The following KCNB2 variants were observed in gnomAD, a reference collection of about 807,000 sequenced individuals.
KCNB2 encodes the protein potassium voltage-gated channel subfamily B member 2, also known as delayed rectifier potassium channel protein.
A neutral mutation model predicts 61.5 loss-of-function variants in KCNB2; 15 were observed. The observed-to-expected ratio is 0.24, with a 90% confidence interval of 0.16 to 0.38. KCNB2 has a LOEUF of 0.38. Ranked by LOEUF, KCNB2 falls within the 10% of genes least tolerant of loss-of-function variation. KCNB2 has a pLI of 1.00. For synonymous variants in KCNB2, 457 were observed against 446.0 expected (o/e 1.02, Z -0.31); for missense variants, 828 against 1,125.2 (o/e 0.74, Z 3.78).
At chr8:72,934,468 G>A (rs1418731553) in intron 2 of KCNB2, among the ~76,000 whole-genome samples, 1 of 149,780 alleles carries the variant, frequency 6.7e-6, no homozygotes, top group Non-Finnish European at 1.5e-5. Flanking sequence ...TAACCCAGAA[G>A]TGGAGAAATT....
intron 2 of KCNB2, among the ~76,000 whole-genome samples, chr8:72,676,043 C>A (rs1806648606): frequency 6.6e-6 from 1 of 152,154 alleles, no homozygotes; most frequent in African/African-American, 2.4e-5. Flanking sequence ...TTCAGTAAAG[C>A]AGCAATAAAC....
At chr8:72,708,192 G>A (rs1807264175) in intron 2 of KCNB2, among the ~76,000 whole-genome samples, 1 of 152,216 alleles carries the variant, frequency 6.6e-6, no homozygotes, top group African/African-American at 2.4e-5. Flanking sequence ...CAGGGCCAGA[G>A]CAAGATATCG....
intron 1 of KCNB2, among the ~76,000 whole-genome samples, chr8:72,551,212 TTTGTTG>T (rs770823609): frequency 2.0e-5 from 3 of 152,148 alleles, no homozygotes; most frequent in African/African-American, 7.2e-5. Context: ...TTTGCCCTTT[TTTGTTG>T]TTGTTGTTGT....
intron 2 of KCNB2, among the ~76,000 whole-genome samples, chr8:72,930,235 T>A (rs1282998465): frequency 1.3e-5 from 2 of 151,752 alleles, no homozygotes; most frequent in Admixed American, 1.3e-4. Flanking sequence ...GTCTTTGCTG[T>A]TGTGAATAGT....
At chr8:72,813,894 A>G (rs769312376) in intron 2 of KCNB2, among the ~76,000 whole-genome samples, 69 of 152,134 alleles carry the variant, frequency 4.5e-4, no homozygotes, top group Admixed American at 9.8e-4. Context: ...TCTAGGGTAC[A>G]TGTGCACAAC....
intron 2 of KCNB2, among the ~76,000 whole-genome samples, chr8:72,689,683 G>C (rs1032871092): frequency 6.6e-6 from 1 of 151,996 alleles, no homozygotes; most frequent in Non-Finnish European, 1.5e-5. Context: ...TTTTTCCCTT[G>C]GCATAAGGTT....
chr8:72,751,422 C>T (rs1470126803), intron 2 of KCNB2: 1 of 152,144 alleles, frequency 6.6e-6, no homozygotes, highest in Non-Finnish European at 1.5e-5. Context: ...AATTTCATAG[C>T]TAAAAGTGAT....
chr8:72,570,663 A>T (rs1330218048), intron 2 of KCNB2, among the ~76,000 whole-genome samples: 2 of 152,138 alleles, frequency 1.3e-5, no homozygotes, highest in Admixed American at 6.5e-5. Flanking sequence ...AAAAGTAGTA[A>T]TATTACAGCT....
intron 2 of KCNB2, among the ~76,000 whole-genome samples, chr8:72,670,460 C>T (rs1329593697): frequency 2.0e-5 from 3 of 152,152 alleles, no homozygotes; most frequent in South Asian, 2.1e-4. Context: ...TTCATGGGAA[C>T]AGTCTGGGCT....
chr8:72,821,631 C>A (rs79581795), intron 2 of KCNB2, among the ~76,000 whole-genome samples: 17,893 of 52,604 alleles, frequency 0.34, 1,910 homozygotes, highest in East Asian at 0.44. Context: ...CACACACACA[C>A]AAAAAAAAAC....
chr8:72,715,224 AC>A lies in KCNB2; in HGVS notation c.579+146915del, dbSNP rs370431336. Among the ~76,000 whole-genome samples the A allele has an allele frequency of 9.9e-3, 1,507 of 152,302 alleles. 22 individuals carry two copies. Among genetic ancestry groups the A allele is most frequent in the African/African-American group, 0.033 (1,368 of 41,562 alleles). Reference sequence around the variant, plus strand: ...CACAATAATAATGGGAGACTTTAATACCCCACTGTCAACATTACACAGATCA... The same window carrying A: ...CACAATAATAATGGGAGACTTTAATACCCACTGTCAACATTACACAGATCA... On this transcript the variant is annotated intron_variant, in intron 2 of 2. Coordinates refer to ENST00000523207, the MANE Select transcript of KCNB2 (RefSeq NM_004770.3).
At chr8:72,872,649 C>T (rs1323511817) in intron 2 of KCNB2, among the ~76,000 whole-genome samples, 2 of 152,158 alleles carry the variant, frequency 1.3e-5, no homozygotes, top group East Asian at 1.9e-4. Context: ...GCAAGATATT[C>T]TACACGGAAG....
At chr8:72,928,703 C>T (rs1047668886) in intron 2 of KCNB2, among the ~76,000 whole-genome samples, 1 of 151,172 alleles carries the variant, frequency 6.6e-6, no homozygotes, top group Non-Finnish European at 1.5e-5. Flanking sequence ...CACACACACA[C>T]ACACACACAC....
intron 2 of KCNB2, among the ~76,000 whole-genome samples, chr8:72,886,905 G>T (rs992869790): frequency 1.3e-5 from 2 of 152,150 alleles, no homozygotes; most frequent in African/African-American, 2.4e-5. Flanking sequence ...TTAAACAATC[G>T]CTGGGCCCTA....
At chr8:72,920,919 C>G (rs1806509306) in intron 2 of KCNB2, among the ~76,000 whole-genome samples, 1 of 152,030 alleles carries the variant, frequency 6.6e-6, no homozygotes, top group Non-Finnish European at 1.5e-5. Context: ...GACCGTAACA[C>G]AGAAACTATA....
chr8:72,577,679 C>A (rs1360626988), intron 2 of KCNB2, among the ~76,000 whole-genome samples: 2 of 152,126 alleles, frequency 1.3e-5, no homozygotes. Flanking sequence ...CGTGATGCAA[C>A]CCCAAGTGTT....
chr8:72,739,244 C>G (rs1177914856), intron 2 of KCNB2, among the ~76,000 whole-genome samples: 1 of 151,818 alleles, frequency 6.6e-6, no homozygotes, highest in Non-Finnish European at 1.5e-5. Context: ...ACCCCCACCC[C>G]CGAGAACTGG....
chr8:72,740,542 G>T (rs1315364350), intron 2 of KCNB2, among the ~76,000 whole-genome samples: 2 of 152,168 alleles, frequency 1.3e-5, no homozygotes, highest in African/African-American at 4.8e-5. Flanking sequence ...TTCCCAAAGA[G>T]CAAGTTCTCA....
At chr8:72,561,129 A>C (rs988640060) in intron 1 of KCNB2, among the ~76,000 whole-genome samples, 1 of 152,076 alleles carries the variant, frequency 6.6e-6, no homozygotes, top group African/African-American at 2.4e-5. Context: ...ATCTAAAAAA[A>C]GCATCGGTTA....
Sources: allele counts gnomAD v4.1 joint callset (sites outside exome capture counted in the v4.1 genomes callset), GRCh38; gene constraint gnomAD v4.1.1; transcripts MANE v1.5; gene names NCBI Gene and HGNC (gene_info 2026-07-23, HGNC 2026-07-21).